Variants in QTMAN observed in about 807,000 individuals in gnomAD.
QTMAN encodes queuosine-tRNA mannosyltransferase.
chr2:144,139,709 T>C, the QTMAN span, among the ~76,000 whole-genome samples: 151,004 of 152,172 alleles, frequency 0.99, 74,934 homozygotes, highest in Non-Finnish European at 1. Flanking sequence ...CAGTAGGTGC[T>C]GTGAGTCTAA....
the QTMAN span, among the ~76,000 whole-genome samples, chr2:143,951,308 T>C: frequency 4.0e-5 from 6 of 151,706 alleles, no homozygotes; most frequent in African/African-American, 1.4e-4. Context: ...CTTAGACTTT[T>C]AGTAGGGCCT....
At chr2:144,009,710 C>A in the QTMAN span, among the ~76,000 whole-genome samples, 3 of 151,928 alleles carry the variant, frequency 2.0e-5, no homozygotes, top group Non-Finnish European at 4.4e-5. Flanking sequence ...TGGAAAGAAA[C>A]CTGGGCATTT....
chr2:144,310,306 A>G, the QTMAN span, among the ~76,000 whole-genome samples: 1 of 152,220 alleles, frequency 6.6e-6, no homozygotes, highest in Admixed American at 6.5e-5. Context: ...ATGGAGTCAA[A>G]AACTGAGGTA....
chr2:144,163,076 T>A, the QTMAN span, among the ~76,000 whole-genome samples: 1 of 152,120 alleles, frequency 6.6e-6, no homozygotes, highest in Non-Finnish European at 1.5e-5. Flanking sequence ...TTTATTGTAT[T>A]TTTACCCAAA....
the QTMAN span, among the ~76,000 whole-genome samples, chr2:144,100,073 A>C: frequency 6.6e-6 from 1 of 152,228 alleles, no homozygotes; most frequent in Non-Finnish European, 1.5e-5. Flanking sequence ...CACCACATGC[A>C]AAAAGGCTTG....
At chr2:144,094,018 T>C in the QTMAN span, among the ~76,000 whole-genome samples, 1 of 152,226 alleles carries the variant, frequency 6.6e-6, no homozygotes, top group Non-Finnish European at 1.5e-5. Context: ...TCTCTCAAAA[T>C]ATCCTAAAAT....
chr2:144,177,470 C>T, the QTMAN span, among the ~76,000 whole-genome samples: 3 of 151,932 alleles, frequency 2.0e-5, no homozygotes, highest in Non-Finnish European at 2.9e-5. Context: ...CATGCCTATA[C>T]GACAGCAAAG....
chr2:144,002,699 A>T, the QTMAN span, among the ~76,000 whole-genome samples: 1 of 151,944 alleles, frequency 6.6e-6, no homozygotes, highest in Non-Finnish European at 1.5e-5. Flanking sequence ...GATGCTACAA[A>T]ATCCATTCAA....
the QTMAN span, among the ~76,000 whole-genome samples, chr2:144,020,213 C>T: frequency 2.6e-5 from 4 of 152,134 alleles, no homozygotes; most frequent in African/African-American, 9.7e-5. Context: ...TAGGGCTCCA[C>T]CCCCATGGAC....
At chr2:144,210,011 A>G in the QTMAN span, among the ~76,000 whole-genome samples, 95 of 134,150 alleles carry the variant, frequency 7.1e-4, no homozygotes, top group Middle Eastern at 3.7e-3. Context: ...AAATTTTCCA[A>G]TGAGCATTTG....
chr2:144,099,052 C>T, the QTMAN span, among the ~76,000 whole-genome samples: 1 of 152,146 alleles, frequency 6.6e-6, no homozygotes, highest in East Asian at 1.9e-4. Context: ...AAGCACCTAA[C>T]AATCAAATGG....
At chr2:144,272,756 T>C in the QTMAN span, among the ~76,000 whole-genome samples, 1 of 152,152 alleles carries the variant, frequency 6.6e-6, no homozygotes, top group Admixed American at 6.5e-5. Flanking sequence ...CGTGTGTGTA[T>C]GTGTGCAAAT....
At chr2:144,135,230 G>A in the QTMAN span, among the ~76,000 whole-genome samples, 1 of 152,148 alleles carries the variant, frequency 6.6e-6, no homozygotes, top group African/African-American at 2.4e-5. Flanking sequence ...TACTCCTTCA[G>A]TAGAGAATCT....
At chr2:144,133,250 TATATAA>T in the QTMAN span, among the ~76,000 whole-genome samples, 16 of 64,114 alleles carry the variant, frequency 2.5e-4, no homozygotes, top group South Asian at 5.5e-3. Flanking sequence ...TATATAAATA[TATATAA>T]ATATATATAA....
the QTMAN span, among the ~76,000 whole-genome samples, chr2:144,009,541 T>C: frequency 1.5e-3 from 224 of 152,246 alleles, no homozygotes; most frequent in Non-Finnish European, 2.2e-3. Flanking sequence ...TTTAAATTTC[T>C]ATTCTAATTT....
At chr2:144,290,109 T>C in the QTMAN span, among the ~76,000 whole-genome samples, 1 of 152,078 alleles carries the variant, frequency 6.6e-6, no homozygotes, top group Non-Finnish European at 1.5e-5. Context: ...TTTTCTTTTA[T>C]GTTACTTTTT....
chr2:144,228,133 T>A, the QTMAN span, among the ~76,000 whole-genome samples: 12 of 152,174 alleles, frequency 7.9e-5, no homozygotes, highest in African/African-American at 2.9e-4. Flanking sequence ...TAGTATCAGT[T>A]ACCTGTGAAC....
At chr2:144,264,656 C>T in the QTMAN span, among the ~76,000 whole-genome samples, 5 of 152,304 alleles carry the variant, frequency 3.3e-5, no homozygotes, top group Non-Finnish European at 7.3e-5. Flanking sequence ...GAACGAAATC[C>T]AAGAAGTCAC....
At chr2:143,955,863 A>G in the QTMAN span, among the ~76,000 whole-genome samples, 1 of 152,176 alleles carries the variant, frequency 6.6e-6, no homozygotes, top group Admixed American at 6.5e-5. Context: ...ACATCTAAAG[A>G]TGTCTAAACT....
Sources: gnomAD v4.1 joint callset for allele counts (sites outside exome capture counted in the v4.1 genomes callset) on GRCh38, gnomAD v4.1.1 for gene constraint, MANE v1.5 for transcripts, NCBI Gene and HGNC (gene_info 2026-07-23, HGNC 2026-07-21) for gene names.